Variants in STT3A observed in about 807,000 individuals in gnomAD.
The protein encoded by STT3A is dolichyl-diphosphooligosaccharide--protein glycosyltransferase subunit STT3A.
Under a neutral mutation model 89.2 loss-of-function variants are expected in STT3A, and 34 were observed. That is an observed-to-expected ratio of 0.38 (90% CI 0.29 to 0.51). The LOEUF is 0.51. Among genes scored for constraint, STT3A ranks in the 20% least tolerant of loss-of-function variants. STT3A has a pLI of 0.89. For missense variants in STT3A, 555 were observed against 889.5 expected (o/e 0.62, Z 4.78); for synonymous variants, 282 against 310.3 (o/e 0.91, Z 0.96).
intron 10 of STT3A, chr11:125,611,164 T>C (rs1043353488): frequency 7.4e-6 from 2 of 271,536 alleles, no homozygotes; most frequent in African/African-American, 4.4e-5. Flanking sequence ...AGCAATATTT[T>C]AATATATTCC....
At chr11:125,612,837 G>C in intron 12 of STT3A, 90 bp downstream of exon 12, 1 of 1,538,312 alleles carries the variant, frequency 6.5e-7, no homozygotes, top group Non-Finnish European at 8.9e-7. Context: ...GAGGAGTAAA[G>C]TAGAGCACTG....
rs1940332677 is a variant in STT3A at position 125,621,000 on chromosome 11, G to C, written c.*190G>C. 1 of 463,844 alleles carries C rather than the reference G, an allele frequency of 2.2e-6. No individual in the cohort carries two copies. The highest frequency in any genetic ancestry group is 3.8e-6 in the Non-Finnish European group (1 of 264,312). The allele number at this position is 463,844 out of a possible 1,614,324, so 28.7% of individuals were successfully genotyped here. A position where few individuals can be genotyped will look rare whatever the true frequency, so the allele number is the denominator to read the frequency against. ...GAAATGATTTTTATAATTCTAAACA[G>C]GTTACCAAATGAAATGTCATGGCTT... On this transcript the variant is annotated 3_prime_UTR_variant, in exon 18 of 18. Coordinates refer to ENST00000392708, the MANE Select transcript of STT3A (RefSeq NM_152713.5).
At position 125,600,428 on chromosome 11, in the gene STT3A, A is replaced by G. The variant is rs189289233; in HGVS notation, c.150-1875A>G. ...CAGGCTGGAGTGCAATGGCATGATC[A>G]GGGCTCACTGAAGCTTCAACCTCCC... On this transcript the variant is annotated intron_variant, in intron 3 of 17. Transcript: ENST00000392708. 5.3e-3 allele frequency among the ~76,000 whole-genome samples: 801 copies of G among 152,124 alleles called. 4 individuals carry two copies. Among genetic ancestry groups the G allele is most frequent in the Non-Finnish European group, 8.7e-3 (595 of 68,006 alleles).
chr11:125,601,128 G>A (rs530298953), intron 3 of STT3A, among the ~76,000 whole-genome samples: 1 of 152,244 alleles, frequency 6.6e-6, no homozygotes, highest in South Asian at 2.1e-4. Flanking sequence ...GACATAAGAA[G>A]CATTTTAGAT....
chr11:125,614,043 G>T lies in STT3A; in HGVS notation c.1555-44G>T. 6.4e-7 allele frequency: 1 copy of T among 1,563,446 alleles called. No homozygotes were observed. Among genetic ancestry groups the T allele is most frequent in the Non-Finnish European group, 8.8e-7 (1 of 1,136,214 alleles). ...TTCTCTGTTGCATTTGATTTTTAGA[G>T]ACAGTGAGAAGCTTGTTATTTCCAT... On this transcript the variant is annotated intron_variant, in intron 13 of 17. Transcript: ENST00000392708. This position sits in a 1 kb window ranked among gnomAD's most constrained non-coding sequence, Gnocchi z 4.9.
At chr11:125,592,260 G>C (rs773517406), upstream of STT3A, among the ~76,000 whole-genome samples, 2 of 152,158 alleles carry the variant, frequency 1.3e-5, no homozygotes, top group Non-Finnish European at 2.9e-5. Context: ...GTCCATCGCA[G>C]TTACCAAGGC....
chr11:125,611,280 C>T, intron 10 of STT3A, 148 bp from the exon 11 acceptor site: 2 of 634,540 alleles, frequency 3.2e-6, no homozygotes, highest in South Asian at 2.0e-5. Flanking sequence ...TTGCATGTTT[C>T]TATGATTGTT....
intron 15 of STT3A, among the ~76,000 whole-genome samples, chr11:125,617,233 A>G (rs948814253): frequency 3.9e-5 from 6 of 152,184 alleles, no homozygotes; most frequent in Non-Finnish European, 8.8e-5. Flanking sequence ...CCATGTGACA[A>G]ACAACTTACT....
chr11:125,620,171 A>G lies in STT3A; in HGVS notation c.2079+45A>G, dbSNP rs750271951. 4 of 1,513,848 alleles carry G rather than the reference A, an allele frequency of 2.6e-6. No homozygotes were observed. In the South Asian group the frequency reaches 4.7e-5, roughly 18 times the overall value. 93.8% of individuals were successfully genotyped at this position (1,513,848 alleles called of 1,614,324 possible). A position where few individuals can be genotyped will look rare whatever the true frequency, so the allele number is the denominator to read the frequency against. Reference sequence around the variant, plus strand: ...CTCAGAAAGCAACTTTTATTTTTGGAGATTGGTTTCAATGCTTATAAAATG... The same window carrying G: ...CTCAGAAAGCAACTTTTATTTTTGGGGATTGGTTTCAATGCTTATAAAATG... On this transcript the variant is annotated intron_variant, in intron 17 of 17. Transcript: ENST00000392708.
chr11:125,617,057 C>T (rs1940200201), intron 15 of STT3A, among the ~76,000 whole-genome samples: 1 of 152,102 alleles, frequency 6.6e-6, no homozygotes, highest in Admixed American at 6.6e-5. Flanking sequence ...AGCTACAATA[C>T]TATTGTTCTA....
intron 1 of STT3A, chr11:125,593,188 G>C (rs1253250034): frequency 6.5e-6 from 1 of 152,704 alleles, no homozygotes; most frequent in Non-Finnish European, 1.5e-5. Flanking sequence ...AAGGCGCGTA[G>C]GATGCTGGGG....
chr11:125,595,817 A>G, intron 1 of STT3A, 64 bp from the exon 2 acceptor site: 1 of 815,876 alleles, frequency 1.2e-6, no homozygotes. Context: ...TCTCATCATA[A>G]AATATGAAAA....
At chr11:125,618,257 T>G in intron 15 of STT3A, 116 bp from the exon 16 acceptor site, 1 of 964,396 alleles carries the variant, frequency 1.0e-6, no homozygotes, top group Non-Finnish European at 1.5e-6. Flanking sequence ...CAAATTAGAG[T>G]TAAATGATAC....
At chr11:125,619,196 T>C (rs938809870) in intron 16 of STT3A, among the ~76,000 whole-genome samples, 18 of 151,796 alleles carry the variant, frequency 1.2e-4, no homozygotes, top group Non-Finnish European at 1.8e-4. Flanking sequence ...ATTACAGGTG[T>C]GCTCTACCAT....
intron 1 of STT3A, among the ~76,000 whole-genome samples, chr11:125,594,628 A>G (rs1226633781): frequency 6.6e-6 from 1 of 152,034 alleles, no homozygotes; most frequent in Admixed American, 6.6e-5. Flanking sequence ...TTATACAAGA[A>G]TAACTAACCT....
chr11:125,595,529 T>C (rs1939465714), intron 1 of STT3A, among the ~76,000 whole-genome samples: 1 of 152,136 alleles, frequency 6.6e-6, no homozygotes, highest in Non-Finnish European at 1.5e-5. Flanking sequence ...CTCCATTTTA[T>C]TATTTTTCAG....
intron 15 of STT3A, among the ~76,000 whole-genome samples, chr11:125,616,172 C>A (rs1940176003): frequency 6.6e-6 from 1 of 152,178 alleles, no homozygotes; most frequent in Non-Finnish European, 1.5e-5. Context: ...AGGACACCCC[C>A]ACCCCTATCC....
intron 1 of STT3A, chr11:125,595,081 C>G (rs1939448516): frequency 6.6e-6 from 1 of 151,786 alleles, no homozygotes; most frequent in Non-Finnish European, 1.5e-5. Context: ...TATAGCCATT[C>G]AGTTGAAGTT....
chr11:125,617,936 C>A lies in STT3A; in HGVS notation c.1775-437C>A, dbSNP rs184279069. Among the ~76,000 whole-genome samples the A allele has an allele frequency of 3.9e-5, 6 of 152,288 alleles. No individual in the cohort carries two copies. The East Asian group carries it at 1.2e-3, about 29-fold the overall frequency. On this transcript the variant is annotated intron_variant, in intron 15 of 17. Transcript: ENST00000392708. Reference sequence around the variant, plus strand: ...TTTAATTTAACATGTAACCAGTATACCCCCTTTTGGGGTTTGTTTTTTTTA... The same window carrying A: ...TTTAATTTAACATGTAACCAGTATAACCCCTTTTGGGGTTTGTTTTTTTTA...
Sources: gnomAD v4.1 joint callset for allele counts (sites outside exome capture counted in the v4.1 genomes callset) on GRCh38, gnomAD v4.1.1 for gene constraint, Gnocchi (gnomAD v3.1) non-coding constraint, MANE v1.5 for transcripts, NCBI Gene and HGNC (gene_info 2026-07-23, HGNC 2026-07-21) for gene names.